Variants in PEAK1 observed in about 807,000 individuals in gnomAD.
PEAK1 encodes the protein pseudopodium enriched atypical kinase 1.
A neutral mutation model predicts 124.7 loss-of-function variants in PEAK1; 54 were observed. That is an observed-to-expected ratio of 0.43 (90% CI 0.35 to 0.54). The LOEUF is 0.54. Among genes scored for constraint, PEAK1 ranks in the 20% least tolerant of loss-of-function variants. PEAK1 has a pLI of 0.01. For missense variants in PEAK1, 2,046 were observed against 2,134.5 expected (o/e 0.96, Z 0.82); for synonymous variants, 719 against 760.0 (o/e 0.95, Z 0.89).
In PEAK1 at chr15:77,141,167, T is replaced by C. The variant is rs180925332; in HGVS notation, c.3332-7417A>G. Among the ~76,000 whole-genome samples the C allele has an allele frequency of 6.3e-3, 960 of 152,246 alleles. 3 individuals are homozygous for C. The highest frequency in any genetic ancestry group is 0.011 in the Non-Finnish European group (752 of 68,006). ...GTAGCGAATCCACACACAAAAAAACTATTAGAATGAATATACCAGTTCAGC... is the reference window on the plus strand; with the variant it reads ...GTAGCGAATCCACACACAAAAAAACCATTAGAATGAATATACCAGTTCAGC... On this transcript the variant is annotated intron_variant, in intron 8 of 9. Coordinates refer to ENST00000682557, the MANE Select transcript of PEAK1 (RefSeq NM_001385026.1).
chr15:77,257,482 G>A (rs1424109178), intron 5 of PEAK1, among the ~76,000 whole-genome samples: 23 of 150,840 alleles, frequency 1.5e-4, no homozygotes, highest in Non-Finnish European at 3.3e-4. Context: ...GGCCAGTGAT[G>A]ATGAGCATTT....
In PEAK1 at chr15:77,177,016, G is replaced by A. The variant is rs948054036; in HGVS notation, c.3137+1774C>T. On this transcript the variant is annotated intron_variant, in intron 7 of 9. Transcript: ENST00000682557. Reference sequence around the variant, plus strand: ...CTTTTTGCCCAGGCTGGAGTGCAATGGTGTGATCTTGGCTCAGTGCAACCT... The same window carrying A: ...CTTTTTGCCCAGGCTGGAGTGCAATAGTGTGATCTTGGCTCAGTGCAACCT... Among the ~76,000 whole-genome samples, 4 of 152,010 alleles carry A rather than the reference G, an allele frequency of 2.6e-5. No individual in the cohort carries two copies. The East Asian group carries it at 7.7e-4, about 29-fold the overall frequency.
At chr15:77,402,944 A>T in intron 1 of PEAK1, 1 of 985,432 alleles carries the variant, frequency 1.0e-6, no homozygotes, top group Non-Finnish European at 1.2e-6. Context: ...TTATGTTTTC[A>T]TGAAGATCAC....
intron 2 of PEAK1, chr15:77,350,642 G>A: frequency 1.0e-6 from 1 of 982,282 alleles, no homozygotes; most frequent in Non-Finnish European, 1.2e-6. Context: ...CCCAGCTTGT[G>A]ACATAGCATC....
intron 2 of PEAK1, among the ~76,000 whole-genome samples, chr15:77,290,833 TACC>T (rs2152978876): frequency 6.6e-6 from 1 of 152,284 alleles, no homozygotes; most frequent in Non-Finnish European, 1.5e-5. Flanking sequence ...TTCACCCTAA[TACC>T]TTAGTTAGAA....
rs558143115 is a variant in PEAK1, at chr15:77,283,377, A to AT, written c.-275+505dup. Among the ~76,000 whole-genome samples the AT allele has an allele frequency of 7.9e-5, 12 of 152,282 alleles. 2 individuals are homozygous for AT. In the South Asian group the frequency reaches 2.5e-3, roughly 32 times the overall value. ...AACTGGAGATTGTATTAATGATCAAATTTTCATATCTGCAGAGAAAGCACC... is the reference window on the plus strand; with the variant it reads ...AACTGGAGATTGTATTAATGATCAAATTTTTCATATCTGCAGAGAAAGCACC... On this transcript the variant is annotated intron_variant, in intron 5 of 9. Coordinates refer to ENST00000682557, the MANE Select transcript of PEAK1 (RefSeq NM_001385026.1).
chr15:77,369,174 A>C (rs140884450), intron 1 of PEAK1, among the ~76,000 whole-genome samples: 30 of 152,362 alleles, frequency 2.0e-4, no homozygotes, highest in African/African-American at 7.2e-4. Context: ...TCAGACATTA[A>C]GGATACAACA....
At chr15:77,386,116 T>C (rs1293703233) in intron 1 of PEAK1, among the ~76,000 whole-genome samples, 1 of 152,176 alleles carries the variant, frequency 6.6e-6, no homozygotes, top group Non-Finnish European at 1.5e-5. Context: ...TAAACATATA[T>C]AGAACTAAAG....
intron 2 of PEAK1, among the ~76,000 whole-genome samples, chr15:77,299,296 A>T (rs1434771464): frequency 6.6e-6 from 1 of 152,216 alleles, no homozygotes; most frequent in Non-Finnish European, 1.5e-5. Context: ...AGCTTTAAAA[A>T]TTAATTTTAA....
chr15:77,117,614 T>G (rs1043919159), intron 9 of PEAK1, among the ~76,000 whole-genome samples: 2 of 152,194 alleles, frequency 1.3e-5, no homozygotes, highest in Non-Finnish European at 2.9e-5. Flanking sequence ...ATCACAAATT[T>G]GATAGAGGAC....
At chr15:77,305,689 G>A (rs1447372940) in intron 2 of PEAK1, among the ~76,000 whole-genome samples, 4 of 152,122 alleles carry the variant, frequency 2.6e-5, no homozygotes, top group African/African-American at 9.7e-5. Context: ...ATTATCTGTG[G>A]GGAATTGGTT....
At chr15:77,332,053 A>G (rs2065918730) in intron 2 of PEAK1, 1 of 403,962 alleles carries the variant, frequency 2.5e-6, no homozygotes, top group Non-Finnish European at 3.3e-6. Context: ...CCTGGCCAAC[A>G]TGGCGAAACT....
At chr15:77,417,981 T>G (rs888691552) in intron 1 of PEAK1, 1 of 969,294 alleles carries the variant, frequency 1.0e-6, no homozygotes, top group South Asian at 4.8e-5. Context: ...AATGTTTATA[T>G]GAGTACACGT....
At chr15:77,276,569 TA>T (rs1418436469) in intron 5 of PEAK1, among the ~76,000 whole-genome samples, 3 of 151,954 alleles carry the variant, frequency 2.0e-5, no homozygotes, top group African/African-American at 7.2e-5. Context: ...AGATCTGCTC[TA>T]AAAGAATAAA....
intron 6 of PEAK1, among the ~76,000 whole-genome samples, chr15:77,241,558 T>C (rs1285690165): frequency 6.6e-6 from 1 of 152,118 alleles, no homozygotes; most frequent in Non-Finnish European, 1.5e-5. Flanking sequence ...ATGACATGAC[T>C]ATGTATGTGA....
At chr15:77,177,412 T>C (rs1338615535) in intron 7 of PEAK1, among the ~76,000 whole-genome samples, 1 of 152,206 alleles carries the variant, frequency 6.6e-6, no homozygotes, top group Non-Finnish European at 1.5e-5. Flanking sequence ...AACAGAGACT[T>C]GTTAGCATTT....
chr15:77,232,690 C>T (rs754058287), intron 6 of PEAK1, among the ~76,000 whole-genome samples: 1 of 152,156 alleles, frequency 6.6e-6, no homozygotes, highest in Non-Finnish European at 1.5e-5. Flanking sequence ...CTACTTGTGG[C>T]CAGGATCTCA....
intron 9 of PEAK1, among the ~76,000 whole-genome samples, chr15:77,118,303 A>G (rs556556471): frequency 2.8e-4 from 42 of 152,276 alleles, no homozygotes; most frequent in Admixed American, 1.7e-3. Context: ...ATTTTGCTTG[A>G]TGGGTATCTC....
chr15:77,308,519 C>T (rs1382183363), intron 2 of PEAK1, among the ~76,000 whole-genome samples: 1 of 152,024 alleles, frequency 6.6e-6, no homozygotes, highest in East Asian at 1.9e-4. Context: ...GTTATGTATG[C>T]TTCTCCCAAA....
Sources: gnomAD v4.1 joint callset for allele counts (sites outside exome capture counted in the v4.1 genomes callset) on GRCh38, gnomAD v4.1.1 for gene constraint, MANE v1.5 for transcripts, NCBI Gene and HGNC (gene_info 2026-07-23, HGNC 2026-07-21) for gene names.